Variants in PDE1C observed in about 807,000 individuals in gnomAD.
PDE1C encodes phosphodiesterase 1C.
Under a neutral mutation model 93.1 loss-of-function variants are expected in PDE1C, and 62 were observed. The ratio of observed to expected loss-of-function variants is 0.67; its 90% confidence interval spans 0.54 to 0.82. The LOEUF (loss-of-function observed/expected upper bound fraction) is 0.82. PDE1C is among the 40% of genes least tolerant of loss of function. PDE1C has a pLI of 0.00. For synonymous variants in PDE1C, 325 were observed against 310.1 expected (o/e 1.05, Z -0.50); for missense variants, 742 against 884.6 (o/e 0.84, Z 2.04).
chr7:31,755,026 T>C (rs1339341980), intron 17 of PDE1C, among the ~76,000 whole-genome samples: 1 of 152,194 alleles, frequency 6.6e-6, no homozygotes, highest in African/African-American at 2.4e-5. Context: ...AGTAACCTTG[T>C]ATATGAACAG....
At chr7:32,260,287 C>T (rs1218232804) in intron 1 of PDE1C, among the ~76,000 whole-genome samples, 2 of 152,242 alleles carry the variant, frequency 1.3e-5, no homozygotes, top group Non-Finnish European at 2.9e-5. Flanking sequence ...GGCCTTGAAG[C>T]CTGGCTCCAC....
intron 1 of PDE1C, among the ~76,000 whole-genome samples, chr7:32,341,131 C>A (rs553062751): frequency 2.7e-4 from 40 of 146,970 alleles, no homozygotes; most frequent in Non-Finnish European, 5.1e-4. Flanking sequence ...GTACTTTCTA[C>A]TCAATTTTGC....
intron 2 of PDE1C, among the ~76,000 whole-genome samples, chr7:32,039,077 T>C (rs1410725418): frequency 6.6e-6 from 1 of 152,136 alleles, no homozygotes; most frequent in Non-Finnish European, 1.5e-5. Flanking sequence ...ACCAGTATTA[T>C]ATTGTTATTA....
chr7:31,845,527 A>AG (rs1792453974), intron 9 of PDE1C, among the ~76,000 whole-genome samples: 1 of 151,984 alleles, frequency 6.6e-6, no homozygotes, highest in Admixed American at 6.6e-5. Flanking sequence ...GGGGCTTGTC[A>AG]GGGGGTCAGG....
chr7:31,697,102 T>TC, the PDE1C span: 1 of 1,613,920 alleles, frequency 6.2e-7, no homozygotes, highest in Non-Finnish European at 8.5e-7. Context: ...CCTGCACATG[T>TC]CCCCCTTTGC....
At chr7:32,375,850 T>G (rs1352390411) in intron 1 of PDE1C, among the ~76,000 whole-genome samples, 1 of 152,188 alleles carries the variant, frequency 6.6e-6, no homozygotes, top group Non-Finnish European at 1.5e-5. Flanking sequence ...CTAATATCAT[T>G]TGAACCTTAA....
At chr7:31,761,930 T>C (rs963045974) in intron 17 of PDE1C, among the ~76,000 whole-genome samples, 1 of 152,160 alleles carries the variant, frequency 6.6e-6, no homozygotes, top group Non-Finnish European at 1.5e-5. Flanking sequence ...ATAATAACAC[T>C]CACTTCACAG....
At chr7:31,973,272 A>T (rs1286673303) in intron 2 of PDE1C, among the ~76,000 whole-genome samples, 1 of 152,184 alleles carries the variant, frequency 6.6e-6, no homozygotes, top group Non-Finnish European at 1.5e-5. Context: ...GGAGAAAAGA[A>T]AGAGTAGAGC....
intron 2 of PDE1C, among the ~76,000 whole-genome samples, chr7:32,033,623 G>A (rs1408621706): frequency 6.6e-6 from 1 of 151,834 alleles, no homozygotes; most frequent in Non-Finnish European, 1.5e-5. Context: ...GACAAATAGG[G>A]GACCCTGAAC....
rs78963727 is a variant in PDE1C, at chr7:31,897,406, G to T, written c.129-16546C>A. Among the ~76,000 whole-genome samples, 1,248 of 152,284 alleles carry T rather than the reference G, an allele frequency of 8.2e-3. 10 individuals carry two copies. Among genetic ancestry groups the T allele is most frequent in the Non-Finnish European group, 0.013 (907 of 68,026 alleles). On this transcript the variant is annotated intron_variant, in intron 2 of 17. Transcript: ENST00000396191. ...CGTGGACTTAAAATAGCAAATCATG[G>T]CATACAGCTATCTTTGAAACCAGTT...
intron 1 of PDE1C, among the ~76,000 whole-genome samples, chr7:32,278,127 C>CA (rs10626490): frequency 0.14 from 19,316 of 135,968 alleles, 1,518 homozygotes; most frequent in Middle Eastern, 0.15. Context: ...AACGAGTTGC[C>CA]AAAAAAAAAA....
chr7:31,718,714 T>C, the PDE1C span, among the ~76,000 whole-genome samples: 2 of 152,094 alleles, frequency 1.3e-5, no homozygotes, highest in African/African-American at 4.8e-5. Context: ...CACCTTCCCA[T>C]AGGAACTGGG....
chr7:32,261,104 C>T (rs1018108272), intron 1 of PDE1C, among the ~76,000 whole-genome samples: 2 of 151,774 alleles, frequency 1.3e-5, no homozygotes, highest in African/African-American at 2.4e-5. Context: ...AGCGAGACTT[C>T]GTCTCAGAAA....
At chr7:31,970,035 T>G (rs1810704386) in intron 2 of PDE1C, among the ~76,000 whole-genome samples, 1 of 152,184 alleles carries the variant, frequency 6.6e-6, no homozygotes, top group African/African-American at 2.4e-5. Context: ...GAGATATACC[T>G]AATGCTAAAT....
At chr7:32,313,410 C>T (rs376587418) in intron 1 of PDE1C, among the ~76,000 whole-genome samples, 4 of 151,790 alleles carry the variant, frequency 2.6e-5, no homozygotes, top group African/African-American at 7.3e-5. Context: ...TGGGTATATA[C>T]CCAAAGGATT....
chr7:32,011,297 A>G (rs2128587274), intron 2 of PDE1C, among the ~76,000 whole-genome samples: 1 of 151,832 alleles, frequency 6.6e-6, no homozygotes, highest in East Asian at 1.9e-4. Flanking sequence ...GGTTCACGCC[A>G]TTCTCCTGCC....
At chr7:32,051,710 G>C in intron 1 of PDE1C, 130 bp from the exon 2 acceptor site, 2 of 735,302 alleles carry the variant, frequency 2.7e-6, no homozygotes, top group Non-Finnish European at 4.8e-6. Context: ...GAAGCTTATG[G>C]GTTTCAAAGC....
Position 31,815,990 on chromosome 7 carries a change from T to C in PDE1C, c.1747A>G (p.Lys583Glu). Reference sequence around the variant, plus strand: ...TTTTTCCCACGAGGGTTGTCACTTTTGTTTGCCCGTGTTCCATTGACTTGA... The same window carrying C: ...TTTTTCCCACGAGGGTTGTCACTTTCGTTTGCCCGTGTTCCATTGACTTGA... ...KNQVNGTRAN[K>E]SDNPRGKNSK... Residue 583 changes from lysine (K) to glutamate (E), a missense_variant, in exon 15 of 18, where the codon AAA becomes GAA. Transcript: ENST00000396191. 6.2e-7 allele frequency: 1 copy of C among 1,614,030 alleles called. No homozygotes were observed. Among genetic ancestry groups the C allele is most frequent in the Non-Finnish European group, 8.5e-7 (1 of 1,179,908 alleles).
chr7:31,849,694 C>G (rs927490751), intron 8 of PDE1C, among the ~76,000 whole-genome samples: 1 of 152,096 alleles, frequency 6.6e-6, no homozygotes, highest in Non-Finnish European at 1.5e-5. Flanking sequence ...AAACTCTCAT[C>G]CCTCCCTGCT....
Sources: allele counts gnomAD v4.1 joint callset (sites outside exome capture counted in the v4.1 genomes callset), GRCh38; gene constraint gnomAD v4.1.1; transcripts MANE v1.5; gene names NCBI Gene and HGNC (gene_info 2026-07-23, HGNC 2026-07-21).